The following CRB3 variants were observed in gnomAD, a reference collection of about 807,000 sequenced individuals.
CRB3 encodes crumbs cell polarity complex component 3.
CRB3 carries 4 observed loss-of-function variants against 10.4 expected under a neutral mutation model. The observed-to-expected ratio is 0.39, with a 90% CI of 0.19 to 0.88. The LOEUF (loss-of-function observed/expected upper bound fraction) is 0.88. Ranked by LOEUF, CRB3 falls within the 40% of genes least tolerant of loss-of-function variation. The pLI, the probability that CRB3 is intolerant of heterozygous loss-of-function variation, is 0.39. For synonymous variants in CRB3, 74 were observed against 73.4 expected, an observed-to-expected ratio of 1.01 and a Z score of -0.04; for missense variants, 154 against 160.2, an observed-to-expected ratio of 0.96 and a Z score of 0.21.
Position 6,466,858 on chromosome 19 carries a change from G to A in CRB3, c.*186G>A, listed in dbSNP as rs879288282. On this transcript the variant is annotated 3_prime_UTR_variant, in exon 4 of 4. Transcript: ENST00000600229. The surrounding 1 kb of genome is among the most constrained non-coding windows in gnomAD (Gnocchi z 4.9). ...CTGCTTGGCTGTGCCTGCAGCTCAG[G>A]GTGCTGGGGCTCGGGACCCACCCCC... The A allele has an allele frequency of 2.0e-5, 32 of 1,568,704 alleles. No individual in the cohort carries two copies. The highest frequency in any genetic ancestry group is 5.4e-5 in the Admixed American group (3 of 55,474).
rs1222995946 is a variant in CRB3, at chr19:6,466,624, G to A, written c.315G>A (p.Val105=). The part of the protein sequence containing the change: ...PSSEEQVGAR[V]PPTPNLKLPP... ...GCGAGGAGCAGGTGGGTGCCCGCGT[G>A]CCACCGACCCCCAACCTCAAGTTGC... The change falls in exon 4 of 4, where the codon GTG becomes GTA. Residue 105 remains valine, a synonymous_variant. Transcript: ENST00000600229. This position sits in a 1 kb window ranked among gnomAD's most constrained non-coding sequence, Gnocchi z 4.9. The A allele has an allele frequency of 1.2e-6, 2 of 1,604,300 alleles. No homozygotes were observed. The highest frequency in any genetic ancestry group is 1.3e-5 in the African/African-American group (1 of 75,002).
At position 6,465,594 on chromosome 19, in the gene CRB3, C is replaced by T; in HGVS notation, c.132C>T (p.Thr44=). 2 of 1,614,002 alleles carry T rather than the reference C, an allele frequency of 1.2e-6. No individual in the cohort carries two copies. The highest frequency in any genetic ancestry group is 1.7e-6 in the Non-Finnish European group (2 of 1,179,888). Residue 44 remains threonine (T), a synonymous_variant, in exon 3 of 4, where the codon ACC becomes ACT. Coordinates refer to ENST00000600229, the MANE Select transcript of CRB3 (RefSeq NM_139161.5). ...NENSTVLPSS[T]SSSSDGNLRP... Reference sequence around the variant, plus strand: ...ATAGCACTGTTTTGCCTTCATCCACCAGCTCCAGCTCCGATGGCAACCTGG... The same window carrying T: ...ATAGCACTGTTTTGCCTTCATCCACTAGCTCCAGCTCCGATGGCAACCTGG...
In CRB3 at chr19:6,464,914, C is replaced by T; in HGVS notation, c.82+131C>T. On this transcript the variant is annotated intron_variant, in intron 2 of 3. Coordinates refer to ENST00000600229, the MANE Select transcript of CRB3 (RefSeq NM_139161.5). The surrounding 1 kb of genome is among the most constrained non-coding windows in gnomAD (Gnocchi z 5.3). ...GAATTGGGGAGCGGGGAAGAAATAC[C>T]TTGGGGAGGGGTCTACAGGGTTAGG... 2.2e-6 allele frequency: 1 copy of T among 463,960 alleles called. No homozygotes were observed. The highest frequency in any genetic ancestry group is 3.5e-6 in the Non-Finnish European group (1 of 285,444). 28.7% of individuals were successfully genotyped at this position (463,960 alleles called of 1,614,324 possible). A position where few individuals can be genotyped will look rare whatever the true frequency, so the allele number is the denominator to read the frequency against.
rs571334248 is a variant in CRB3, at chr19:6,464,432, T to C, written c.-95+82T>C. 1.1e-4 allele frequency: 37 copies of C among 345,022 alleles called. No homozygotes were observed. Among genetic ancestry groups the C allele is most frequent in the African/African-American group, 7.8e-4 (37 of 47,378 alleles). The allele number at this position is 345,022 out of a possible 1,614,324, so 21.4% of individuals were successfully genotyped here. A position where few individuals can be genotyped will look rare whatever the true frequency, so the allele number is the denominator to read the frequency against. On this transcript the variant is annotated intron_variant, in intron 1 of 3. Transcript: ENST00000600229. This position sits in a 1 kb window ranked among gnomAD's most constrained non-coding sequence, Gnocchi z 5.3. ...CCCGTCCCGTCCCGTCCCGTCCCCT[T>C]CCTTTCCCCAGCCCAGGAACGCGCT... is the stretch of plus-strand genomic sequence containing the variant.
At position 6,464,429 on chromosome 19, in the gene CRB3, C is replaced by T; in HGVS notation, c.-95+79C>T. 1 of 347,964 alleles carries T rather than the reference C, an allele frequency of 2.9e-6. No individual in the cohort carries two copies. The highest frequency in any genetic ancestry group is 5.2e-6 in the Non-Finnish European group (1 of 193,912). 21.6% of individuals were successfully genotyped at this position (347,964 alleles called of 1,614,324 possible). A position where few individuals can be genotyped will look rare whatever the true frequency, so the allele number is the denominator to read the frequency against. ...CGTCCCGTCCCGTCCCGTCCCGTCC[C>T]CTTCCTTTCCCCAGCCCAGGAACGC... is the stretch of plus-strand genomic sequence containing the variant. On this transcript the variant is annotated intron_variant, in intron 1 of 3. Coordinates refer to ENST00000600229, the MANE Select transcript of CRB3 (RefSeq NM_139161.5). This position sits in a 1 kb window ranked among gnomAD's most constrained non-coding sequence, Gnocchi z 5.3.
intron 3 of CRB3, among the ~76,000 whole-genome samples, chr19:6,465,910 A>T (rs980431238): frequency 6.6e-6 from 1 of 152,204 alleles, no homozygotes; most frequent in Middle Eastern, 3.4e-3. Context: ...TGATGAAAGC[A>T]GGAGTCCCGG....
Position 6,466,747 on chromosome 19 carries a change from G to C in CRB3, c.*75G>C, listed in dbSNP as rs1275038495. 1.3e-6 allele frequency: 2 copies of C among 1,555,842 alleles called. No individual in the cohort carries two copies. The highest frequency in any genetic ancestry group is 2.7e-5 in the African/African-American group (2 of 73,600). The stretch of plus-strand genomic sequence containing the variant: ...TGGCTTGTACACCGCAGCTGCCACC[G>C]AGACACCAGCCTCTGATGGCTCAGG... On this transcript the variant is annotated 3_prime_UTR_variant, in exon 4 of 4. Coordinates refer to ENST00000600229, the MANE Select transcript of CRB3 (RefSeq NM_139161.5). The surrounding 1 kb of genome is among the most constrained non-coding windows in gnomAD (Gnocchi z 4.9).
Position 6,466,948 on chromosome 19 carries a change from C to T in CRB3, c.*276C>T. 1.9e-6 allele frequency: 3 copies of T among 1,613,732 alleles called. No individual in the cohort carries two copies. The highest frequency in any genetic ancestry group is 2.2e-5 in the South Asian group (2 of 91,042). On this transcript the variant is annotated 3_prime_UTR_variant, in exon 4 of 4. Transcript: ENST00000600229. The surrounding 1 kb of genome is among the most constrained non-coding windows in gnomAD (Gnocchi z 4.9). ...CCCCACAACCCCCTCTCCTTTCTTT[C>T]AGTTCTCCCATGCAGCCGAGGCCCG...
rs961456389 is a variant in CRB3 at position 6,464,611 on chromosome 19, C to G, written c.-91C>G. ...CCTCTCCTTCTCCTGTCCCCAGGTG[C>G]CCCGTCGCAGGTGCCCCTGGCCGGA... On this transcript the variant is annotated 5_prime_UTR_variant, in exon 2 of 4. Transcript: ENST00000600229. This position sits in a 1 kb window ranked among gnomAD's most constrained non-coding sequence, Gnocchi z 5.3. 2 of 763,836 alleles carry G rather than the reference C, an allele frequency of 2.6e-6. No individual in the cohort carries two copies. The highest frequency in any genetic ancestry group is 3.6e-6 in the Non-Finnish European group (2 of 560,956). The allele number at this position is 763,836 out of a possible 1,614,324, so 47.3% of individuals were successfully genotyped here.
chr19:6,465,690 G>A (rs2092790815), intron 3 of CRB3, 72 bp downstream of exon 3: 1 of 1,307,048 alleles, frequency 7.7e-7, no homozygotes, highest in Non-Finnish European at 1.1e-6. Flanking sequence ...AGCATGTAGA[G>A]AGGACTAGAC....
rs576714100 is a variant in CRB3, at chr19:6,464,401, G to GCCCGTCCCGT, written c.-95+70_-95+79dup. The GCCCGTCCCGT allele has an allele frequency of 8.5e-4, 255 of 300,470 alleles. 1 individual carries two copies. The highest frequency in any genetic ancestry group is 2.9e-3 in the South Asian group (18 of 6,148). The allele number at this position is 300,470 out of a possible 1,614,324, so 18.6% of individuals were successfully genotyped here. On this transcript the variant is annotated intron_variant, in intron 1 of 3. Coordinates refer to ENST00000600229, the MANE Select transcript of CRB3 (RefSeq NM_139161.5). This position sits in a 1 kb window ranked among gnomAD's most constrained non-coding sequence, Gnocchi z 5.3. ...GCCTGCCCCCTCGCCCGTCCACCCT[G>GCCCGTCCCGT]CCCGTCCCGTCCCGTCCCGTCCCGT...
In CRB3 at chr19:6,464,811, G is replaced by T. The variant is rs906444683; in HGVS notation, c.82+28G>T. On this transcript the variant is annotated intron_variant, in intron 2 of 3. Coordinates refer to ENST00000600229, the MANE Select transcript of CRB3 (RefSeq NM_139161.5). This position sits in a 1 kb window ranked among gnomAD's most constrained non-coding sequence, Gnocchi z 5.3. ...AGGTACCAGCTGAGAGCGCTGGGGG[G>T]GAGGGGTCTGGATTCCTGGATCTCT... 79 of 1,209,932 alleles carry T rather than the reference G, an allele frequency of 6.5e-5. No individual in the cohort carries two copies. Among genetic ancestry groups the T allele is most frequent in the Non-Finnish European group, 8.0e-5 (77 of 960,582 alleles). The allele number at this position is 1,209,932 out of a possible 1,614,324, so 74.9% of individuals were successfully genotyped here.
In CRB3 at chr19:6,465,553, A is replaced by C; in HGVS notation, c.91A>C (p.Thr31Pro). The change falls in exon 3 of 4, where the codon ACT (threonine) becomes CCT (proline). Residue 31 changes from threonine to proline, a missense_variant. Physicochemically the swap from Thr to Pro is conservative, Grantham distance 38 (BLOSUM62 -1). Transcript: ENST00000600229. The stretch of plus-strand genomic sequence containing the variant: ...GCCTTCACCCTCCACAGTACAGACC[A>C]CTTCTGCAAATGAGAATAGCACTGT... ...WGRAWGQIQTTSANENSTVLP... is the reference protein window; with the variant it reads ...WGRAWGQIQTPSANENSTVLP... The C allele has an allele frequency of 6.2e-7, 1 of 1,613,918 alleles. No homozygotes were observed. Among genetic ancestry groups the C allele is most frequent in the South Asian group, 1.1e-5 (1 of 91,088 alleles).
intron 3 of CRB3, among the ~76,000 whole-genome samples, 170 bp downstream of exon 3, chr19:6,465,788 G>A (rs1049429832): frequency 2.0e-5 from 3 of 152,118 alleles, no homozygotes; most frequent in Non-Finnish European, 4.4e-5. Flanking sequence ...AGAAGACTAG[G>A]ACACCCTGGA....
At chr19:6,465,287 T>G in intron 2 of CRB3, 2 of 500,680 alleles carry the variant, frequency 4.0e-6, no homozygotes, top group East Asian at 3.3e-5. Context: ...GGCCGAGAGG[T>G]GAGTAGGGGA....
Position 6,466,591 on chromosome 19 carries a change from G to T in CRB3, c.282G>T (p.Arg94=), listed in dbSNP as rs1471598135. The change falls in exon 4 of 4, where the codon CGG becomes CGT. Residue 94 remains arginine (R), a synonymous_variant. Coordinates refer to ENST00000600229, the MANE Select transcript of CRB3 (RefSeq NM_139161.5). This position sits in a 1 kb window ranked among gnomAD's most constrained non-coding sequence, Gnocchi z 4.9. ...AGCGGCAGACGGAGGGCACCTACCG[G>T]CCCAGTAGCGAGGAGCAGGTGGGTG... is the stretch of plus-strand genomic sequence containing the variant. ...REKRQTEGTY[R]PSSEEQVGAR... 1 of 1,608,498 alleles carries T rather than the reference G, an allele frequency of 6.2e-7. No homozygotes were observed. The highest frequency in any genetic ancestry group is 1.7e-5 in the Admixed American group (1 of 60,018).
chr19:6,464,806 G>T lies in CRB3; in HGVS notation c.82+23G>T. Reference sequence around the variant, plus strand: ...AAAGTAGGTACCAGCTGAGAGCGCTGGGGGGGAGGGGTCTGGATTCCTGGA... The same window carrying T: ...AAAGTAGGTACCAGCTGAGAGCGCTTGGGGGGAGGGGTCTGGATTCCTGGA... On this transcript the variant is annotated intron_variant, in intron 2 of 3. Transcript: ENST00000600229. The surrounding 1 kb of genome is among the most constrained non-coding windows in gnomAD (Gnocchi z 5.3). 3.3e-6 allele frequency: 4 copies of T among 1,217,798 alleles called. No homozygotes were observed. Among genetic ancestry groups the T allele is most frequent in the South Asian group, 8.0e-5 (2 of 25,104 alleles). 75.4% of individuals were successfully genotyped at this position (1,217,798 alleles called of 1,614,324 possible).
Position 6,464,401 on chromosome 19 carries a change from G to GCCCGTCCCGTCCCGT in CRB3, c.-95+65_-95+79dup, listed in dbSNP as rs576714100. On this transcript the variant is annotated intron_variant, in intron 1 of 3. Transcript: ENST00000600229. The surrounding 1 kb of genome is among the most constrained non-coding windows in gnomAD (Gnocchi z 5.3). ...GCCTGCCCCCTCGCCCGTCCACCCT[G>GCCCGTCCCGTCCCGT]CCCGTCCCGTCCCGTCCCGTCCCGT... is the stretch of plus-strand genomic sequence containing the variant. 2.7e-5 allele frequency: 8 copies of GCCCGTCCCGTCCCGT among 300,356 alleles called. No individual in the cohort carries two copies. The highest frequency in any genetic ancestry group is 2.1e-4 in the Admixed American group (4 of 19,400). The allele number at this position is 300,356 out of a possible 1,614,324, so 18.6% of individuals were successfully genotyped here.
Position 6,466,595 on chromosome 19 carries a change from A to G in CRB3, c.286A>G (p.Ser96Gly). ...GCAGACGGAGGGCACCTACCGGCCC[A>G]GTAGCGAGGAGCAGGTGGGTGCCCG... is the stretch of plus-strand genomic sequence containing the variant. ...KRQTEGTYRP[S>G]SEEQVGARVP... Residue 96 changes from serine to glycine, a missense_variant, in exon 4 of 4, where the codon AGT (serine) becomes GGT (glycine). Coordinates refer to ENST00000600229, the MANE Select transcript of CRB3 (RefSeq NM_139161.5). The surrounding 1 kb of genome is among the most constrained non-coding windows in gnomAD (Gnocchi z 4.9). The G allele has an allele frequency of 6.2e-7, 1 of 1,608,064 alleles. No individual in the cohort carries two copies. Among genetic ancestry groups the G allele is most frequent in the East Asian group, 2.2e-5 (1 of 44,866 alleles).
Sources: gnomAD v4.1 joint callset for allele counts (sites outside exome capture counted in the v4.1 genomes callset) on GRCh38, gnomAD v4.1.1 for gene constraint, Gnocchi (gnomAD v3.1) non-coding constraint, MANE v1.5 for transcripts, NCBI Gene and HGNC (gene_info 2026-07-23, HGNC 2026-07-21) for gene names.